Variants in SNX18 observed in about 807,000 individuals in gnomAD.
SNX18 encodes sorting nexin 18, also known as sorting nexin-18.
A neutral mutation model predicts 48.7 loss-of-function variants in SNX18; 35 were observed. The observed-to-expected ratio is 0.72, with a 90% CI of 0.55 to 0.95. The LOEUF (loss-of-function observed/expected upper bound fraction) is 0.95. Ranked by LOEUF, SNX18 falls within the 40% of genes least tolerant of loss-of-function variation. SNX18 has a pLI of 0.00. For missense variants in SNX18, 824 were observed against 871.0 expected (o/e 0.95, Z 0.68); for synonymous variants, 492 against 384.7 (o/e 1.28, Z -3.26).
At chr5:54,549,618 G>A (rs11954443), downstream of SNX18, among the ~76,000 whole-genome samples, 19,700 of 152,216 alleles carry the variant, frequency 0.13, 1,601 homozygotes, top group Middle Eastern at 0.25. Context: ...AATTTGTCCC[G>A]TAGCTCTAAC....
chr5:54,535,776 G>A (rs1762341886), intron 1 of SNX18, among the ~76,000 whole-genome samples: 1 of 152,158 alleles, frequency 6.6e-6, no homozygotes, highest in Admixed American at 6.6e-5. Flanking sequence ...GACCTTTTTA[G>A]CTTTATTAAA....
At chr5:54,537,835 G>A (rs368340810) in intron 1 of SNX18, among the ~76,000 whole-genome samples, 2 of 152,036 alleles carry the variant, frequency 1.3e-5, no homozygotes, top group East Asian at 3.9e-4. Context: ...TACACTCCTC[G>A]GGTTTGGTTA....
chr5:54,582,801 G>GA, the SNX18 span, among the ~76,000 whole-genome samples: 12 of 149,596 alleles, frequency 8.0e-5, no homozygotes, highest in Admixed American at 6.7e-5. Flanking sequence ...GTTCGGAATT[G>GA]AAAAAAAAAG....
chr5:54,549,197 C>G (rs1762617167), downstream of SNX18, among the ~76,000 whole-genome samples: 1 of 152,116 alleles, frequency 6.6e-6, no homozygotes, highest in Non-Finnish European at 1.5e-5. Context: ...GCCCTGAGCC[C>G]AAGGCATTGA....
the SNX18 span, among the ~76,000 whole-genome samples, chr5:54,573,406 C>T: frequency 1.3e-5 from 2 of 152,054 alleles, no homozygotes; most frequent in African/African-American, 4.8e-5. Flanking sequence ...GGATTGGGAC[C>T]CCTTTCCTGT....
the SNX18 span, among the ~76,000 whole-genome samples, chr5:54,581,582 C>G: frequency 6.6e-6 from 1 of 152,166 alleles, no homozygotes; most frequent in Non-Finnish European, 1.5e-5. Context: ...CCTGCTCCCA[C>G]GTTTCCCCTC....
At chr5:54,554,783 G>A in the SNX18 span, among the ~76,000 whole-genome samples, 1,629 of 152,278 alleles carry the variant, frequency 0.011, 36 homozygotes, top group African/African-American at 0.038. Flanking sequence ...TGCATGGGAA[G>A]GGCAAGACTT....
chr5:54,610,348 A>G, the SNX18 span, among the ~76,000 whole-genome samples: 1 of 152,018 alleles, frequency 6.6e-6, no homozygotes, highest in African/African-American at 2.4e-5. Context: ...ATGTCGCTAC[A>G]TTGCTCCGAC....
At chr5:54,591,251 T>G in the SNX18 span, among the ~76,000 whole-genome samples, 15 of 152,032 alleles carry the variant, frequency 9.9e-5, no homozygotes, top group Non-Finnish European at 2.2e-4. Context: ...GTGATCATAG[T>G]TCATTACAGC....
chr5:54,519,863 C>T (rs368877312), intron 1 of SNX18: 7 of 1,531,488 alleles, frequency 4.6e-6, no homozygotes, highest in African/African-American at 4.1e-5. Flanking sequence ...GAGTAATGAG[C>T]TGCTCAAATC....
chr5:54,548,556 C>G (rs1334098094), downstream of SNX18, among the ~76,000 whole-genome samples: 6 of 152,202 alleles, frequency 3.9e-5, no homozygotes, highest in African/African-American at 1.4e-4. Flanking sequence ...AACTCACTAA[C>G]CCAGCTCTGA....
At chr5:54,565,227 G>A in the SNX18 span, among the ~76,000 whole-genome samples, 42 of 152,338 alleles carry the variant, frequency 2.8e-4, no homozygotes, top group South Asian at 7.5e-3. Flanking sequence ...GAATTAGGAC[G>A]TGGGAGCCCA....
At chr5:54,598,706 T>C in the SNX18 span, among the ~76,000 whole-genome samples, 3 of 152,054 alleles carry the variant, frequency 2.0e-5, no homozygotes, top group Non-Finnish European at 4.4e-5. Context: ...AAACTCTCAA[T>C]AAACTAGGTA....
the SNX18 span, chr5:54,645,024 T>C: frequency 1.3e-5 from 2 of 152,206 alleles, no homozygotes; most frequent in African/African-American, 2.4e-5. Context: ...ATCGGCTTTG[T>C]AGCAAGATCC....
chr5:54,561,504 AT>A, the SNX18 span, among the ~76,000 whole-genome samples: 283 of 132,946 alleles, frequency 2.1e-3, no homozygotes, highest in African/African-American at 3.3e-3. Flanking sequence ...CGCCCAGCTA[AT>A]TTTTTTTTTT....
At chr5:54,599,388 T>C in the SNX18 span, among the ~76,000 whole-genome samples, 19 of 152,348 alleles carry the variant, frequency 1.2e-4, no homozygotes, top group African/African-American at 4.6e-4. Context: ...ATCCATATCA[T>C]GAAAACGGCC....
At chr5:54,586,927 G>A in the SNX18 span, among the ~76,000 whole-genome samples, 1 of 152,058 alleles carries the variant, frequency 6.6e-6, no homozygotes, top group African/African-American at 2.4e-5. Context: ...TACAGCAGAG[G>A]AAGGAACCCT....
chr5:54,555,234 C>A, the SNX18 span, among the ~76,000 whole-genome samples: 1 of 152,224 alleles, frequency 6.6e-6, no homozygotes, highest in African/African-American at 2.4e-5. Flanking sequence ...CTCTGTTGTA[C>A]CCGGGGTACC....
At chr5:54,593,614 C>T in the SNX18 span, among the ~76,000 whole-genome samples, 1 of 152,166 alleles carries the variant, frequency 6.6e-6, no homozygotes, top group African/African-American at 2.4e-5. Context: ...GATGAACGAA[C>T]TTGGAACACT....
Sources: gnomAD v4.1 joint callset for allele counts (sites outside exome capture counted in the v4.1 genomes callset) on GRCh38, gnomAD v4.1.1 for gene constraint, MANE v1.5 for transcripts, NCBI Gene and HGNC (gene_info 2026-07-23, HGNC 2026-07-21) for gene names.